NSG1: variants seen among roughly 807,000 people sequenced by gnomAD.
NSG1 encodes the protein neuronal vesicle trafficking-associated protein 1.
In NSG1, 9 loss-of-function variants were observed where a neutral mutation model predicts 19.3. That is an observed-to-expected ratio of 0.47 (90% CI 0.28 to 0.81). The LOEUF (loss-of-function observed/expected upper bound fraction) is 0.81, where lower values mean the gene tolerates loss of function less well. Ranked by LOEUF, NSG1 falls within the 40% of genes least tolerant of loss-of-function variation. The pLI, the probability that NSG1 is intolerant of heterozygous loss-of-function variation, is 0.11. For missense variants in NSG1, 236 were observed against 242.4 expected (o/e 0.97, Z 0.18); for synonymous variants, 104 against 107.0 (o/e 0.97, Z 0.17).
chr4:4,387,569 G>C, intron 1 of NSG1, 35 bp from the exon 2 acceptor site: 1 of 1,311,942 alleles, frequency 7.6e-7, no homozygotes, highest in South Asian at 1.3e-5. Context: ...CCCGGGTCTT[G>C]CTTGTGGTGA....
At chr4:4,414,788 A>G (rs1329865852) in intron 4 of NSG1, among the ~76,000 whole-genome samples, 3 of 151,920 alleles carry the variant, frequency 2.0e-5, no homozygotes, top group Non-Finnish European at 4.4e-5. Context: ...TGCACACTGG[A>G]CTCGACACCT....
At chr4:4,391,913 C>G (rs1464835563) in intron 3 of NSG1, among the ~76,000 whole-genome samples, 2 of 152,250 alleles carry the variant, frequency 1.3e-5, no homozygotes, top group African/African-American at 4.8e-5. Context: ...ATTTACTTAA[C>G]AGTTCCAGGA....
chr4:4,416,414 C>CA (rs932511453), intron 4 of NSG1, among the ~76,000 whole-genome samples: 5 of 152,164 alleles, frequency 3.3e-5, no homozygotes, highest in African/African-American at 1.2e-4. Flanking sequence ...GAGCTGGTAA[C>CA]AGAGAATGGA....
chr4:4,409,541 G>T, intron 3 of NSG1, 32 bp from the exon 4 acceptor site: 1 of 1,556,964 alleles, frequency 6.4e-7, no homozygotes, highest in Non-Finnish European at 8.9e-7. Flanking sequence ...CTGCCTTCCG[G>T]CCACCCCTGA....
intron 3 of NSG1, among the ~76,000 whole-genome samples, chr4:4,400,792 G>A (rs1276157174): frequency 6.6e-6 from 1 of 152,160 alleles, no homozygotes; most frequent in Admixed American, 6.6e-5. Context: ...AGTGTTTATT[G>A]CTCATGGTTC....
In NSG1 at chr4:4,391,569, A is replaced by G. The variant is rs1203406765; in HGVS notation, c.224A>G (p.Glu75Gly). The change falls in exon 3 of 5, where the codon GAG (glutamate) becomes GGG (glycine). Residue 75 changes from glutamate to glycine, a missense_variant. Coordinates refer to ENST00000621129, the MANE Select transcript of NSG1 (RefSeq NM_014392.5). ...QIAEFTVSIT[E>G]GVTERFKVSV... is the part of the protein sequence containing the mutation. Reference sequence around the variant, plus strand: ...GCTGAGTTCACCGTCAGCATCACGGAGGGTGTCACCGAGAGGTTTAAGGTG... The same window carrying G: ...GCTGAGTTCACCGTCAGCATCACGGGGGGTGTCACCGAGAGGTTTAAGGTG... The G allele has an allele frequency of 6.2e-7, 1 of 1,611,666 alleles. No individual in the cohort carries two copies. The highest frequency in any genetic ancestry group is 8.5e-7 in the Non-Finnish European group (1 of 1,179,044).
At chr4:4,401,100 C>T (rs1414677121) in intron 3 of NSG1, among the ~76,000 whole-genome samples, 1 of 152,230 alleles carries the variant, frequency 6.6e-6, no homozygotes, top group Non-Finnish European at 1.5e-5. Context: ...GTGGGATGCA[C>T]AGCAATGAGT....
intron 3 of NSG1, among the ~76,000 whole-genome samples, chr4:4,405,105 G>C: frequency 6.6e-6 from 1 of 152,168 alleles, no homozygotes; most frequent in South Asian, 2.1e-4. Flanking sequence ...TGAAATCAAG[G>C]CTTCGGCAGA....
intron 2 of NSG1, 24 bp downstream of exon 2, chr4:4,387,782 C>A: frequency 1.3e-6 from 2 of 1,576,652 alleles, no homozygotes; most frequent in Non-Finnish European, 1.7e-6. Context: ...CGCCCCTCCA[C>A]GTTGCCGGGT....
chr4:4,415,120 C>T (rs13107182), intron 4 of NSG1, among the ~76,000 whole-genome samples: 6,419 of 152,108 alleles, frequency 0.042, 158 homozygotes, highest in African/African-American at 0.047. Flanking sequence ...GTTGCCCAGG[C>T]TGGTCTCGAA....
chr4:4,411,166 T>TA (rs958862485), intron 4 of NSG1, among the ~76,000 whole-genome samples: 46 of 152,228 alleles, frequency 3.0e-4, no homozygotes, highest in African/African-American at 8.9e-4. Context: ...AATAAACTTT[T>TA]AAAATGTAAG....
intron 2 of NSG1, 102 bp downstream of exon 2, chr4:4,387,860 G>A (rs950397371): frequency 1.0e-6 from 1 of 1,000,350 alleles, no homozygotes; most frequent in Non-Finnish European, 1.5e-6. Flanking sequence ...GGTACGCGAA[G>A]TGGGGGCGGG....
At chr4:4,416,805 C>G (rs752482420) in intron 4 of NSG1, among the ~76,000 whole-genome samples, 3 of 152,224 alleles carry the variant, frequency 2.0e-5, no homozygotes, top group Non-Finnish European at 4.4e-5. Context: ...CTGCCCCTCC[C>G]TCATCTCACC....
chr4:4,391,488 C>G lies in NSG1; in HGVS notation c.143C>G (p.Thr48Ser). 1 of 1,610,220 alleles carries G rather than the reference C, an allele frequency of 6.2e-7. No individual in the cohort carries two copies. Among genetic ancestry groups the G allele is most frequent in the Non-Finnish European group, 8.5e-7 (1 of 1,178,468 alleles). ...TTCCTGGATAAGGTGGTCGTGAAAA[C>G]TAAGACCGAGTATGAACCTGACCGC... Reference protein sequence around the residue: ...FPPPDKVVVKTKTEYEPDRKK... With the variant: ...FPPPDKVVVKSKTEYEPDRKK... The change falls in exon 3 of 5, where the codon ACT becomes AGT. Residue 48 changes from threonine (T) to serine (S), a missense_variant. Coordinates refer to ENST00000621129, the MANE Select transcript of NSG1 (RefSeq NM_014392.5).
chr4:4,386,784 C>T (rs1722734920), upstream of NSG1: 1 of 153,090 alleles, frequency 6.5e-6, no homozygotes, highest in Admixed American at 6.5e-5. Flanking sequence ...GTGGCGCAGC[C>T]CGCAGCCCTC....
At chr4:4,401,670 C>T (rs1440616222) in intron 3 of NSG1, among the ~76,000 whole-genome samples, 1 of 152,170 alleles carries the variant, frequency 6.6e-6, no homozygotes, top group African/African-American at 2.4e-5. Flanking sequence ...CCCTGCAGGG[C>T]TGCTCAACCA....
At chr4:4,413,379 AC>A (rs1410036607) in intron 4 of NSG1, among the ~76,000 whole-genome samples, 4 of 151,364 alleles carry the variant, frequency 2.6e-5, no homozygotes, top group African/African-American at 9.7e-5. Context: ...GAAAGCCCCC[AC>A]CCTTTCACTC....
intron 3 of NSG1, among the ~76,000 whole-genome samples, chr4:4,406,079 G>C (rs1053703808): frequency 2.6e-5 from 4 of 152,198 alleles, no homozygotes; most frequent in African/African-American, 9.6e-5. Context: ...CCAGGCTGGA[G>C]TGCAGTGGCG....
At chr4:4,399,527 GC>G (rs368251068) in intron 3 of NSG1, among the ~76,000 whole-genome samples, 387 of 77,912 alleles carry the variant, frequency 5.0e-3, no homozygotes, top group African/African-American at 0.014. Context: ...ATATATATAA[GC>G]CCTTGTAAGA....
Sources: allele counts gnomAD v4.1 joint callset (sites outside exome capture counted in the v4.1 genomes callset), GRCh38; gene constraint gnomAD v4.1.1; transcripts MANE v1.5; gene names NCBI Gene and HGNC (gene_info 2026-07-23, HGNC 2026-07-21).